The following HTRA4 variants were observed in gnomAD, a reference collection of about 807,000 sequenced individuals.
The protein encoded by HTRA4 is HtrA serine peptidase 4.
HTRA4 carries 46 observed loss-of-function variants against 49.1 expected under a neutral mutation model. The ratio of observed to expected loss-of-function variants is 0.94; its 90% CI spans 0.74 to 1.20. The LOEUF (loss-of-function observed/expected upper bound fraction) is 1.20. Ranked by LOEUF, HTRA4 falls within the 50% of genes most tolerant of loss-of-function variation. The pLI is 0.00. For missense variants in HTRA4, 602 were observed against 636.9 expected, an observed-to-expected ratio of 0.95 and a Z score of 0.59; for synonymous variants, 261 against 264.0, an observed-to-expected ratio of 0.99 and a Z score of 0.11.
At chr8:38,977,869 G>A in intron 3 of HTRA4, 84 bp from the exon 4 acceptor site, 1 of 1,418,842 alleles carries the variant, frequency 7.0e-7, no homozygotes, top group Non-Finnish European at 9.8e-7. Flanking sequence ...TCATATATGT[G>A]TTAGACACAC....
In HTRA4 at chr8:38,975,014, C is replaced by G. The variant is rs1292880826; in HGVS notation, c.467-17C>G. ...GGTTCCCTCGAGGCGTACTCTTGAG[C>G]CAGTATTTTTTCATAGGGACCAGAA... On this transcript the variant is annotated splice_polypyrimidine_tract_variant and intron_variant, in intron 1 of 8. Coordinates refer to ENST00000302495, the MANE Select transcript of HTRA4 (RefSeq NM_153692.4). The G allele has an allele frequency of 1.9e-6, 3 of 1,613,090 alleles. No homozygotes were observed. Among genetic ancestry groups the G allele is most frequent in the Non-Finnish European group, 2.5e-6 (3 of 1,179,204 alleles).
chr8:38,985,232 C>T (rs537708736), intron 8 of HTRA4, among the ~76,000 whole-genome samples: 1 of 149,724 alleles, frequency 6.7e-6, no homozygotes, highest in South Asian at 2.1e-4. Flanking sequence ...GCGATCTCGG[C>T]TCACTGCAAC....
chr8:38,985,830 G>C (rs1310342108), intron 8 of HTRA4, among the ~76,000 whole-genome samples: 1 of 152,206 alleles, frequency 6.6e-6, no homozygotes, highest in Non-Finnish European at 1.5e-5. Context: ...CGGAATCTGT[G>C]TGTTTAACAA....
intron 5 of HTRA4, among the ~76,000 whole-genome samples, chr8:38,980,016 C>G (rs1379419532): frequency 6.6e-6 from 1 of 152,250 alleles, no homozygotes; most frequent in Non-Finnish European, 1.5e-5. Flanking sequence ...ACAACCAGCA[C>G]TCCTGACTTC....
intron 5 of HTRA4, 147 bp downstream of exon 5, chr8:38,979,394 G>A (rs766835931): frequency 4.9e-5 from 36 of 740,660 alleles, no homozygotes; most frequent in Non-Finnish European, 8.2e-5. Flanking sequence ...ACTAGCCTGG[G>A]CAAGACAGCA....
At chr8:38,982,378 C>G in intron 6 of HTRA4, 120 bp from the exon 7 acceptor site, 1 of 800,110 alleles carries the variant, frequency 1.2e-6, no homozygotes, top group Non-Finnish European at 2.1e-6. Flanking sequence ...GCCTGTGTTT[C>G]ATCCAGGTAA....
At chr8:38,981,894 T>C in intron 6 of HTRA4, 127 bp downstream of exon 6, 2 of 675,324 alleles carry the variant, frequency 3.0e-6, no homozygotes, top group Non-Finnish European at 5.1e-6. Flanking sequence ...GTCATCCAGG[T>C]TGGAGTGCAG....
chr8:38,983,031 A>G lies in HTRA4; in HGVS notation c.1251A>G (p.Glu417=), dbSNP rs776587945. ...SSGVYVCKVV[E]GTAAQSSGLR... Reference sequence around the variant, plus strand: ...GGGTTTATGTATGTAAAGTGGTTGAAGGAACAGCTGCTCAAAGGTAAGAGA... The same window carrying G: ...GGGTTTATGTATGTAAAGTGGTTGAGGGAACAGCTGCTCAAAGGTAAGAGA... Residue 417 remains glutamate (E), a synonymous_variant, in exon 8 of 9, where the codon GAA becomes GAG. Transcript: ENST00000302495. 30 of 1,612,798 alleles carry G rather than the reference A, an allele frequency of 1.9e-5. No individual in the cohort carries two copies. The highest frequency in any genetic ancestry group is 2.3e-5 in the Non-Finnish European group (27 of 1,179,002).
intron 8 of HTRA4, 21 bp from the exon 9 acceptor site, chr8:38,987,914 CT>C (rs758083596): frequency 1.6e-5 from 25 of 1,527,562 alleles, no homozygotes; most frequent in East Asian, 9.6e-5. Flanking sequence ...TCATGATCCT[CT>C]TTTTTTTCTC....
chr8:38,982,670 T>C, intron 7 of HTRA4, 115 bp downstream of exon 7: 1 of 922,778 alleles, frequency 1.1e-6, no homozygotes, highest in Non-Finnish European at 1.8e-6. Context: ...CTTGTGACCA[T>C]AGGCCCTATC....
In HTRA4 at chr8:38,975,114, G is replaced by A. The variant is rs747418954; in HGVS notation, c.550G>A (p.Val184Met). Residue 184 changes from valine (V) to methionine (M), a missense_variant, in exon 2 of 9, where the codon GTG (valine) becomes ATG (methionine). Physicochemically the swap from Val to Met is conservative, Grantham distance 21. Coordinates refer to ENST00000302495, the MANE Select transcript of HTRA4 (RefSeq NM_153692.4). ...GAAGGTGGCGCCATCGGTGGTTCACGTGCAGCTGTGGGGCAGGTAAAGGAG... is the reference window on the plus strand; with the variant it reads ...GAAGGTGGCGCCATCGGTGGTTCACATGCAGCTGTGGGGCAGGTAAAGGAG... ...VEKVAPSVVH[V>M]QLWGRLLHGS... The A allele has an allele frequency of 1.2e-6, 2 of 1,613,624 alleles. No individual in the cohort carries two copies. Among genetic ancestry groups the A allele is most frequent in the Non-Finnish European group, 1.7e-6 (2 of 1,180,004 alleles).
At position 38,978,758 on chromosome 8, in the gene HTRA4, AG is replaced by A. The variant is rs569304447; in HGVS notation, c.967-455del. 8.9e-3 allele frequency among the ~76,000 whole-genome samples: 1,339 copies of A among 151,038 alleles called. 21 individuals are homozygous for A. Among genetic ancestry groups the A allele is most frequent in the African/African-American group, 0.031 (1,291 of 41,106 alleles). ...ATGCCTGTAATCCCAGCACTTTGGG[AG>A]GCCGAAGGGGGTGGATCATGAGGTC... On this transcript the variant is annotated intron_variant, in intron 4 of 8. Coordinates refer to ENST00000302495, the MANE Select transcript of HTRA4 (RefSeq NM_153692.4).
intron 2 of HTRA4, among the ~76,000 whole-genome samples, chr8:38,976,086 C>T (rs933414570): frequency 2.6e-5 from 4 of 152,306 alleles, no homozygotes; most frequent in African/African-American, 7.2e-5. Flanking sequence ...AGAAAATTTA[C>T]GCATAGCCAG....
rs974254798 is a variant in HTRA4, at chr8:38,975,096, G to T, written c.532G>T (p.Ala178Ser). The T allele has an allele frequency of 1.2e-6, 2 of 1,613,906 alleles. No individual in the cohort carries two copies. The highest frequency in any genetic ancestry group is 1.7e-6 in the Non-Finnish European group (2 of 1,180,012). ...NFIAAVVEKV[A>S]PSVVHVQLWG... ...CATCGCCGCGGTGGTGGAGAAGGTG[G>T]CGCCATCGGTGGTTCACGTGCAGCT... is the stretch of plus-strand genomic sequence containing the variant. Residue 178 changes from alanine (A) to serine (S), a missense_variant, in exon 2 of 9, where the codon GCG (alanine) becomes TCG (serine). Coordinates refer to ENST00000302495, the MANE Select transcript of HTRA4 (RefSeq NM_153692.4).
At chr8:38,979,688 T>C (rs973386969) in intron 5 of HTRA4, among the ~76,000 whole-genome samples, 3 of 152,186 alleles carry the variant, frequency 2.0e-5, no homozygotes, top group Admixed American at 6.5e-5. Context: ...TTTATTTATT[T>C]ATTTATTTAA....
intron 4 of HTRA4, among the ~76,000 whole-genome samples, 184 bp downstream of exon 4, chr8:38,978,331 G>C (rs1835378623): frequency 6.6e-6 from 1 of 152,176 alleles, no homozygotes; most frequent in Non-Finnish European, 1.5e-5. Context: ...AAACCCTATT[G>C]TGAACTGCGC....
intron 8 of HTRA4, among the ~76,000 whole-genome samples, chr8:38,985,447 C>G (rs1278922726): frequency 1.3e-5 from 2 of 152,220 alleles, no homozygotes; most frequent in African/African-American, 2.4e-5. Context: ...GCGTGAGCCA[C>G]CGCCCGCGGT....
intron 2 of HTRA4, 70 bp downstream of exon 2, chr8:38,975,200 C>A: frequency 1.2e-5 from 18 of 1,452,088 alleles, no homozygotes; most frequent in Admixed American, 1.7e-5. Flanking sequence ...GCTCCAGACC[C>A]TTCGCAAGCG....
At chr8:38,977,266 C>T (rs78873824) in intron 3 of HTRA4, among the ~76,000 whole-genome samples, 4 of 141,364 alleles carry the variant, frequency 2.8e-5, no homozygotes, top group Admixed American at 7.1e-5. Context: ...ATCAAGCAGT[C>T]TTTTTTTTTT....
Sources: gnomAD v4.1 joint callset for allele counts (sites outside exome capture counted in the v4.1 genomes callset) on GRCh38, gnomAD v4.1.1 for gene constraint, MANE v1.5 for transcripts, NCBI Gene and HGNC (gene_info 2026-07-23, HGNC 2026-07-21) for gene names.